Variants in SLC35F4 observed in about 807,000 individuals in gnomAD.
The protein encoded by SLC35F4 is chromosome 14 open reading frame 36.
Under a neutral mutation model 44.2 loss-of-function variants are expected in SLC35F4, and 24 were observed. That is an observed-to-expected ratio of 0.54 (90% confidence interval 0.39 to 0.76). SLC35F4 has a LOEUF of 0.76. SLC35F4 is among the 30% of genes least tolerant of loss of function. The pLI is 0.00. For missense variants in SLC35F4, 562 were observed against 586.1 expected (o/e 0.96, Z 0.42); for synonymous variants, 238 against 223.6 (o/e 1.06, Z -0.57).
At chr14:57,884,924 A>G (rs1358153863) in intron 1 of SLC35F4, among the ~76,000 whole-genome samples, 1 of 152,188 alleles carries the variant, frequency 6.6e-6, no homozygotes, top group East Asian at 1.9e-4. Flanking sequence ...TGATAAGGAT[A>G]TCATAAACAG....
intron 1 of SLC35F4, among the ~76,000 whole-genome samples, chr14:57,847,096 A>G (rs565892912): frequency 2.0e-5 from 3 of 152,226 alleles, no homozygotes; most frequent in Non-Finnish European, 4.4e-5. Flanking sequence ...GTTTTCTACT[A>G]TTTCATTTTT....
At chr14:57,650,136 G>C (rs973155307) in intron 1 of SLC35F4, among the ~76,000 whole-genome samples, 1 of 151,940 alleles carries the variant, frequency 6.6e-6, no homozygotes, top group African/African-American at 2.4e-5. Flanking sequence ...CCGAGGTCTG[G>C]TCCAGGGTCC....
intron 1 of SLC35F4, among the ~76,000 whole-genome samples, chr14:57,898,975 C>T (rs1002111161): frequency 6.6e-6 from 1 of 152,144 alleles, no homozygotes; most frequent in Non-Finnish European, 1.5e-5. Context: ...TAGTTGCCAT[C>T]AAAACACCTC....
At chr14:57,852,053 G>A (rs1045444759) in intron 1 of SLC35F4, among the ~76,000 whole-genome samples, 2 of 152,156 alleles carry the variant, frequency 1.3e-5, no homozygotes, top group Non-Finnish European at 2.9e-5. Flanking sequence ...GGTGCTGAAC[G>A]AAATAGATCC....
chr14:57,878,936 A>C (rs1378103759), intron 1 of SLC35F4, among the ~76,000 whole-genome samples: 1 of 152,166 alleles, frequency 6.6e-6, no homozygotes, highest in East Asian at 1.9e-4. Context: ...GTATAAAGGT[A>C]TTGTTTTGAT....
At chr14:57,699,906 G>A (rs1443351803) in intron 1 of SLC35F4, among the ~76,000 whole-genome samples, 1 of 152,140 alleles carries the variant, frequency 6.6e-6, no homozygotes, top group African/African-American at 2.4e-5. Context: ...GGATTTTTGT[G>A]CAAAATTTAA....
intron 1 of SLC35F4, among the ~76,000 whole-genome samples, chr14:57,865,253 A>C (rs1888042727): frequency 6.6e-6 from 1 of 151,826 alleles, no homozygotes; most frequent in Non-Finnish European, 1.5e-5. Context: ...GCCGGGACCC[A>C]CGTCTGGGTC....
Position 57,594,139 on chromosome 14 carries a change from T to C in SLC35F4, c.104-15A>G. 1 of 1,599,122 alleles carries C rather than the reference T, an allele frequency of 6.3e-7. No individual in the cohort carries two copies. Among genetic ancestry groups the C allele is most frequent in the Non-Finnish European group, 8.5e-7 (1 of 1,170,478 alleles). ...TCTGGAGGTACCTGGAAAGACAGAG[T>C]TCACGCCAGTTTGAGAACTGCCTGA... On this transcript the variant is annotated splice_polypyrimidine_tract_variant and intron_variant, in intron 1 of 7. Coordinates refer to ENST00000556826, the MANE Select transcript of SLC35F4 (RefSeq NM_001306087.2).
chr14:57,657,278 G>A (rs548934378), intron 1 of SLC35F4, among the ~76,000 whole-genome samples: 1 of 152,116 alleles, frequency 6.6e-6, no homozygotes, highest in East Asian at 1.9e-4. Context: ...TTTTTTTCTG[G>A]GCTTTAATCT....
chr14:57,957,054 T>A (rs1260594670), intron 1 of SLC35F4, among the ~76,000 whole-genome samples: 2 of 152,160 alleles, frequency 1.3e-5, no homozygotes, highest in African/African-American at 4.8e-5. Flanking sequence ...CGTTCATCAA[T>A]GATATATTGG....
chr14:57,607,294 A>G (rs1745691), intron 1 of SLC35F4, among the ~76,000 whole-genome samples: 55,111 of 152,064 alleles, frequency 0.36, 10,605 homozygotes, highest in Admixed American at 0.45. Flanking sequence ...TAGCATATAC[A>G]TATTTGTCAC....
At chr14:57,844,181 T>A (rs1885769758) in intron 1 of SLC35F4, among the ~76,000 whole-genome samples, 1 of 152,172 alleles carries the variant, frequency 6.6e-6, no homozygotes, top group African/African-American at 2.4e-5. Context: ...TTTGAGGAAT[T>A]TGGAAAGGCC....
chr14:57,639,239 A>G (rs1185754139), intron 1 of SLC35F4, among the ~76,000 whole-genome samples: 1 of 152,072 alleles, frequency 6.6e-6, no homozygotes, highest in African/African-American at 2.4e-5. Flanking sequence ...GATGACCCCA[A>G]ATTATTACAC....
chr14:57,699,629 G>A (rs532871434), intron 1 of SLC35F4, among the ~76,000 whole-genome samples: 22 of 152,188 alleles, frequency 1.4e-4, no homozygotes, highest in African/African-American at 5.3e-4. Flanking sequence ...ATCTCTCCAG[G>A]GAAGCCATCT....
At chr14:57,782,648 T>G (rs562253140) in intron 1 of SLC35F4, among the ~76,000 whole-genome samples, 1 of 152,354 alleles carries the variant, frequency 6.6e-6, no homozygotes, top group East Asian at 1.9e-4. Flanking sequence ...TGGCTGCTGT[T>G]GCTGTGAGCT....
chr14:57,823,260 G>A (rs990308783), intron 1 of SLC35F4, among the ~76,000 whole-genome samples: 7 of 151,956 alleles, frequency 4.6e-5, no homozygotes. Context: ...CTTCTGCCTG[G>A]AACACTCTTG....
chr14:57,914,935 C>T (rs1889287890), intron 1 of SLC35F4, among the ~76,000 whole-genome samples: 1 of 152,162 alleles, frequency 6.6e-6, no homozygotes, highest in Non-Finnish European at 1.5e-5. Context: ...CTCTCTGCAG[C>T]AACCCTGCCC....
rs565793929 is a variant in SLC35F4, at chr14:57,697,530, A to C, written c.104-103406T>G. Among the ~76,000 whole-genome samples the C allele has an allele frequency of 2.6e-3, 394 of 152,086 alleles. 1 individual carries two copies. Among genetic ancestry groups the C allele is most frequent in the Non-Finnish European group, 4.5e-3 (308 of 67,976 alleles). ...AACCTGGGCAACATGGCAAAACCCC[A>C]TCTCTACAAAAAATACAAAAATTAG... On this transcript the variant is annotated intron_variant, in intron 1 of 7. Transcript: ENST00000556826.
At chr14:57,578,446 G>T (rs1397325510) in intron 4 of SLC35F4, among the ~76,000 whole-genome samples, 3 of 137,654 alleles carry the variant, frequency 2.2e-5, no homozygotes, top group African/African-American at 5.4e-5. Context: ...CATTTATGTT[G>T]TCAGTGCTGT....
Sources: allele counts gnomAD v4.1 joint callset (sites outside exome capture counted in the v4.1 genomes callset), GRCh38; gene constraint gnomAD v4.1.1; transcripts MANE v1.5; gene names NCBI Gene and HGNC (gene_info 2026-07-23, HGNC 2026-07-21).